The following NR3C2 variants were observed in gnomAD, a reference collection of about 807,000 sequenced individuals.
NR3C2 encodes mineralocorticoid receptor.
NR3C2 carries 15 observed loss-of-function variants against 86.4 expected under a neutral mutation model. The ratio of observed to expected loss-of-function variants is 0.17; its 90% CI spans 0.12 to 0.27. NR3C2 has a LOEUF of 0.27. Among genes scored for constraint, NR3C2 ranks in the 10% least tolerant of loss-of-function variants. NR3C2 has a pLI of 1.00. For missense variants in NR3C2, 960 were observed against 1,195.6 expected (o/e 0.80, Z 2.91); for synonymous variants, 458 against 450.5 (o/e 1.02, Z -0.21).
Position 148,260,153 on chromosome 4 carries a change from G to A in NR3C2, c.1758-36C>T, listed in dbSNP as rs766845419. Reference sequence around the variant, plus strand: ...AAATTGAGATTTAAATAACTACACCGTAAAGGCACATTTAACATGCTGCAC... The same window carrying A: ...AAATTGAGATTTAAATAACTACACCATAAAGGCACATTTAACATGCTGCAC... On this transcript the variant is annotated intron_variant, in intron 2 of 8. Transcript: ENST00000358102. The A allele has an allele frequency of 9.1e-5, 146 of 1,612,816 alleles. No homozygotes were observed. The East Asian group carries it at 2.5e-3, about 28-fold the overall frequency.
intron 3 of NR3C2, among the ~76,000 whole-genome samples, chr4:148,195,347 A>T (rs1222957822): frequency 6.6e-6 from 1 of 152,242 alleles, no homozygotes; most frequent in African/African-American, 2.4e-5. Context: ...GAACTAAAAA[A>T]AATCAGATGT....
chr4:148,179,393 G>A (rs963213605), intron 4 of NR3C2, among the ~76,000 whole-genome samples: 1 of 151,738 alleles, frequency 6.6e-6, no homozygotes, highest in African/African-American at 2.4e-5. Context: ...ACAGACTGCA[G>A]TGAAAAAGGT....
intron 8 of NR3C2, among the ~76,000 whole-genome samples, chr4:148,084,957 TC>T (rs1730744546): frequency 1.3e-5 from 2 of 152,092 alleles, no homozygotes; most frequent in African/African-American, 2.4e-5. Context: ...GTGCTAACTA[TC>T]CTAAATATAT....
chr4:148,094,421 A>G (rs951935422), intron 8 of NR3C2, among the ~76,000 whole-genome samples: 4 of 152,222 alleles, frequency 2.6e-5, no homozygotes, highest in East Asian at 3.8e-4. Flanking sequence ...ATATTTGTAC[A>G]TAAGTGTTCA....
chr4:148,440,187 CA>C (rs1750267606), intron 1 of NR3C2, among the ~76,000 whole-genome samples: 1 of 152,184 alleles, frequency 6.6e-6, no homozygotes, highest in Non-Finnish European at 1.5e-5. Context: ...TCTACACAAA[CA>C]TTTTTTTAAG....
At chr4:148,260,663 T>A (rs1011198911) in intron 2 of NR3C2, among the ~76,000 whole-genome samples, 1 of 152,200 alleles carries the variant, frequency 6.6e-6, no homozygotes, top group African/African-American at 2.4e-5. Flanking sequence ...TTTCATGTTA[T>A]CTTATATAGA....
chr4:148,316,601 T>C (rs1327866414), intron 2 of NR3C2, among the ~76,000 whole-genome samples: 1 of 152,198 alleles, frequency 6.6e-6, no homozygotes, highest in Non-Finnish European at 1.5e-5. Flanking sequence ...TGCAATTTCT[T>C]TTAAGGAGGA....
intron 2 of NR3C2, among the ~76,000 whole-genome samples, chr4:148,315,294 T>C (rs985286629): frequency 6.6e-6 from 1 of 152,206 alleles, no homozygotes; most frequent in Non-Finnish European, 1.5e-5. Context: ...AAGCTGTCAC[T>C]GTGCCTGTAC....
intron 3 of NR3C2, among the ~76,000 whole-genome samples, chr4:148,236,434 T>C (rs906932756): frequency 6.6e-6 from 1 of 152,134 alleles, no homozygotes; most frequent in African/African-American, 2.4e-5. Context: ...GGTGAAAAGA[T>C]AACTTTAGAA....
chr4:148,270,876 G>T (rs529398124), intron 2 of NR3C2, among the ~76,000 whole-genome samples: 4 of 152,212 alleles, frequency 2.6e-5, no homozygotes, highest in African/African-American at 9.6e-5. Context: ...GCTGCCACAG[G>T]AAATAGTTGT....
chr4:148,352,368 CCTATCAT>C (rs1745325324), intron 2 of NR3C2, among the ~76,000 whole-genome samples: 3 of 145,762 alleles, frequency 2.1e-5, no homozygotes, highest in South Asian at 2.2e-4. Context: ...ACATACAACT[CCTATCAT>C]CTATCTATCT....
At chr4:148,169,684 CAAT>C (rs1268395874) in intron 4 of NR3C2, among the ~76,000 whole-genome samples, 1 of 152,098 alleles carries the variant, frequency 6.6e-6, no homozygotes, top group Non-Finnish European at 1.5e-5. Context: ...AAGATCTAAA[CAAT>C]GATGAAACAC....
intron 3 of NR3C2, among the ~76,000 whole-genome samples, chr4:148,216,136 A>T (rs1433692825): frequency 6.6e-6 from 1 of 152,150 alleles, no homozygotes; most frequent in Non-Finnish European, 1.5e-5. Context: ...ATGAATGAGT[A>T]TGGCTCTGTT....
intron 6 of NR3C2, among the ~76,000 whole-genome samples, chr4:148,136,350 T>C (rs1283415801): frequency 6.6e-6 from 1 of 151,172 alleles, no homozygotes; most frequent in Non-Finnish European, 1.5e-5. Context: ...GGACCAGTCA[T>C]GGAGAGAAGG....
intron 4 of NR3C2, among the ~76,000 whole-genome samples, chr4:148,193,745 G>C (rs962229745): frequency 6.6e-6 from 1 of 152,166 alleles, no homozygotes; most frequent in Non-Finnish European, 1.5e-5. Flanking sequence ...TCTCTACTTG[G>C]AGAGTATTAA....
At chr4:148,426,183 A>G (rs944315112) in intron 2 of NR3C2, among the ~76,000 whole-genome samples, 7 of 152,324 alleles carry the variant, frequency 4.6e-5, no homozygotes, top group African/African-American at 1.7e-4. Context: ...CCCAAGAGTA[A>G]GCATTGTGCC....
At chr4:148,409,371 T>C (rs1438915807) in intron 2 of NR3C2, among the ~76,000 whole-genome samples, 2 of 152,158 alleles carry the variant, frequency 1.3e-5, no homozygotes, top group Non-Finnish European at 2.9e-5. Context: ...CCTTATCAAA[T>C]TGAGCCATGA....
At chr4:148,194,901 A>T (rs760256654) in intron 3 of NR3C2, 39 bp from the exon 4 acceptor site, 1 of 1,358,184 alleles carries the variant, frequency 7.4e-7, no homozygotes, top group South Asian at 1.2e-5. Context: ...AAAATAGAGT[A>T]CACTAGTACA....
intron 4 of NR3C2, among the ~76,000 whole-genome samples, chr4:148,174,911 T>G (rs1258340120): frequency 6.6e-6 from 1 of 152,194 alleles, no homozygotes; most frequent in Non-Finnish European, 1.5e-5. Flanking sequence ...ACTCCAAATG[T>G]CTGTAGCATT....
Sources: allele counts gnomAD v4.1 joint callset (sites outside exome capture counted in the v4.1 genomes callset), GRCh38; gene constraint gnomAD v4.1.1; transcripts MANE v1.5; gene names NCBI Gene and HGNC (gene_info 2026-07-23, HGNC 2026-07-21).